The following PCDHGB1 variants were observed in gnomAD, a reference collection of about 807,000 sequenced individuals.
PCDHGB1 encodes protocadherin gamma-B1.
In PCDHGB1, 34 loss-of-function variants were observed where a neutral mutation model predicts 56.6. The observed-to-expected ratio is 0.60, with a 90% CI of 0.46 to 0.80. The LOEUF is 0.80. Among genes scored for constraint, PCDHGB1 ranks in the 30% least tolerant of loss-of-function variants. The pLI is 0.00. For missense variants in PCDHGB1, 1,278 were observed against 1,204.6 expected (o/e 1.06, Z -0.90); for synonymous variants, 561 against 505.9 (o/e 1.11, Z -1.46).
Position 141,477,365 on chromosome 5 carries a change from C to T in PCDHGB1, c.2410-17442C>T, listed in dbSNP as rs754438240. On this transcript the variant is annotated intron_variant, in intron 1 of 3. Transcript: ENST00000523390. The surrounding 1 kb of genome is among the most constrained non-coding windows in gnomAD (Gnocchi z 4.9). ...TTTGAAAACCAGTGCAGACCTGGAT[C>T]GGGAGACTGTGCCAGAATACAACCT... The T allele has an allele frequency of 6.2e-7, 1 of 1,614,156 alleles. No homozygotes were observed. The highest frequency in any genetic ancestry group is 1.7e-5 in the Admixed American group (1 of 60,022).
chr5:141,352,800 G>A (rs1410243639), intron 1 of PCDHGB1, 131 bp downstream of exon 1: 9 of 919,340 alleles, frequency 9.8e-6, no homozygotes, highest in South Asian at 3.4e-5. Context: ...GACCAGCATA[G>A]CCAAGATGGT....
At chr5:141,376,281 C>G in intron 1 of PCDHGB1, 2 of 1,614,216 alleles carry the variant, frequency 1.2e-6, no homozygotes, top group Admixed American at 1.7e-5. Flanking sequence ...GGTGGCTTAG[C>G]GAGCATGCCC....
Position 141,491,665 on chromosome 5 carries a change from C to G in PCDHGB1, c.2410-3142C>G. The stretch of plus-strand genomic sequence containing the variant: ...TCTGGCGCTGGAGCCTGACGCCATC[C>G]GGTCCCGCTCTAATACGCTGCGGGA... On this transcript the variant is annotated intron_variant, in intron 1 of 3. Transcript: ENST00000523390. This position sits in a 1 kb window ranked among gnomAD's most constrained non-coding sequence, Gnocchi z 6.9. 1 of 1,613,764 alleles carries G rather than the reference C, an allele frequency of 6.2e-7. No homozygotes were observed. Among genetic ancestry groups the G allele is most frequent in the Non-Finnish European group, 8.5e-7 (1 of 1,180,000 alleles).
chr5:141,395,422 G>T, intron 1 of PCDHGB1: 1 of 728,826 alleles, frequency 1.4e-6, no homozygotes, highest in Non-Finnish European at 2.1e-6. Flanking sequence ...TGTTTCATTT[G>T]CTTTTAAACG....
At position 141,370,660 on chromosome 5, in the gene PCDHGB1, G is replaced by T. The variant is rs199537402; in HGVS notation, c.2409+17991G>T. 1.4e-4 allele frequency: 220 copies of T among 1,613,752 alleles called. No individual in the cohort carries two copies. The highest frequency in any genetic ancestry group is 4.9e-4 in the Middle Eastern group (3 of 6,084). Reference sequence around the variant, plus strand: ...AATGGGAACTTACTTGTGAGCGACCGTATAGACCGAGAGGAGATTTGTGGC... The same window carrying T: ...AATGGGAACTTACTTGTGAGCGACCTTATAGACCGAGAGGAGATTTGTGGC... On this transcript the variant is annotated intron_variant, in intron 1 of 3. Transcript: ENST00000523390.
intron 2 of PCDHGB1, among the ~76,000 whole-genome samples, chr5:141,499,940 G>A (rs1158937971): frequency 4.0e-5 from 6 of 151,722 alleles, no homozygotes; most frequent in Non-Finnish European, 8.8e-5. Flanking sequence ...CACCCTCCTC[G>A]GCCTCCCAAA....
At chr5:141,376,221 C>G in intron 1 of PCDHGB1, 4 of 1,614,216 alleles carry the variant, frequency 2.5e-6, no homozygotes, top group Non-Finnish European at 3.4e-6. Context: ...GTGCTGCTGG[C>G]GCTCAGACTG....
intron 1 of PCDHGB1, among the ~76,000 whole-genome samples, chr5:141,400,891 A>G (rs1266926061): frequency 6.6e-6 from 1 of 152,222 alleles, no homozygotes; most frequent in African/African-American, 2.4e-5. Context: ...GTATGTAATC[A>G]TTTAATTCAT....
intron 1 of PCDHGB1, chr5:141,433,012 G>A (rs1402902269): frequency 2.5e-6 from 4 of 1,614,054 alleles, no homozygotes; most frequent in Non-Finnish European, 3.4e-6. Flanking sequence ...CTTTCCTGCA[G>A]ACCTATTCCC....
intron 3 of PCDHGB1, among the ~76,000 whole-genome samples, chr5:141,506,363 C>T (rs1013247178): frequency 4.0e-5 from 6 of 150,792 alleles, no homozygotes; most frequent in South Asian, 4.2e-4. Context: ...GCAGGAGAAT[C>T]GCTTGAACCT....
intron 1 of PCDHGB1, chr5:141,374,217 T>C (rs771956915): frequency 5.6e-6 from 9 of 1,613,862 alleles, no homozygotes; most frequent in Non-Finnish European, 6.8e-6. Context: ...GGCTCCTTCG[T>C]AGGCAACATC....
At chr5:141,394,195 T>A (rs930890690) in intron 1 of PCDHGB1, 1 of 1,613,768 alleles carries the variant, frequency 6.2e-7, no homozygotes, top group Non-Finnish European at 8.5e-7. Context: ...TCAGCGTATA[T>A]CCTAGAGAAC....
chr5:141,495,918 T>C (rs2099764622), intron 2 of PCDHGB1, among the ~76,000 whole-genome samples: 1 of 152,184 alleles, frequency 6.6e-6, no homozygotes, highest in African/African-American at 2.4e-5. Flanking sequence ...ATATCTTTCT[T>C]TGTCTCTGTC....
At chr5:141,395,105 G>A in intron 1 of PCDHGB1, 1 of 1,614,220 alleles carries the variant, frequency 6.2e-7, no homozygotes, top group East Asian at 2.2e-5. Context: ...CCGACTCGCG[G>A]AAGAGTCACC....
At chr5:141,492,189 G>A (rs2099737936) in intron 1 of PCDHGB1, among the ~76,000 whole-genome samples, 1 of 152,204 alleles carries the variant, frequency 6.6e-6, no homozygotes, top group East Asian at 1.9e-4. Flanking sequence ...GCACCTGTCT[G>A]CGGGACTTAG....
At chr5:141,452,411 A>G (rs965622061) in intron 1 of PCDHGB1, among the ~76,000 whole-genome samples, 8 of 152,200 alleles carry the variant, frequency 5.3e-5, no homozygotes, top group African/African-American at 1.9e-4. Context: ...GGTGTGAGGT[A>G]TGCTCACTGC....
At chr5:141,474,106 A>G (rs1334111464) in intron 1 of PCDHGB1, among the ~76,000 whole-genome samples, 1 of 152,108 alleles carries the variant, frequency 6.6e-6, no homozygotes, top group African/African-American at 2.4e-5. Flanking sequence ...CAACAAAAAC[A>G]ACAACAACGA....
At chr5:141,392,627 G>C (rs4151699) in intron 1 of PCDHGB1, 43,187 of 584,208 alleles carry the variant, frequency 0.074, 2,003 homozygotes, top group Non-Finnish European at 0.093. Flanking sequence ...AAAACACTCA[G>C]ATCTCACACC....
chr5:141,453,333 A>T (rs181261279), intron 1 of PCDHGB1, among the ~76,000 whole-genome samples: 3 of 151,914 alleles, frequency 2.0e-5, no homozygotes, highest in Admixed American at 1.3e-4. Context: ...GGGTCTCACT[A>T]TGTTTCCCCA....
Sources: allele counts gnomAD v4.1 joint callset (sites outside exome capture counted in the v4.1 genomes callset), GRCh38; gene constraint gnomAD v4.1.1; non-coding constraint Gnocchi (gnomAD v3.1); transcripts MANE v1.5; gene names NCBI Gene and HGNC (gene_info 2026-07-23, HGNC 2026-07-21).